Variants in DACH1 observed in about 807,000 individuals in gnomAD.
DACH1 encodes dachshund homolog 1.
DACH1 carries 12 observed loss-of-function variants against 54.2 expected under a neutral mutation model. The ratio of observed to expected loss-of-function variants is 0.22; its 90% confidence interval spans 0.14 to 0.36. The LOEUF is 0.36. Among genes scored for constraint, DACH1 ranks in the 10% least tolerant of loss-of-function variants. DACH1 has a pLI of 1.00. For synonymous variants in DACH1, 386 were observed against 366.2 expected, an observed-to-expected ratio of 1.05 and a Z score of -0.62; for missense variants, 805 against 929.8, an observed-to-expected ratio of 0.87 and a Z score of 1.75.
intron 2 of DACH1, among the ~76,000 whole-genome samples, chr13:71,670,931 A>G (rs998404629): frequency 3.3e-5 from 5 of 152,028 alleles, no homozygotes; most frequent in African/African-American, 9.7e-5. Context: ...TTTAAAAACC[A>G]TGTGCCTGAA....
intron 1 of DACH1, among the ~76,000 whole-genome samples, chr13:71,782,580 T>A (rs1886431177): frequency 6.6e-6 from 1 of 152,212 alleles, no homozygotes; most frequent in African/African-American, 2.4e-5. Flanking sequence ...TCAAATATTA[T>A]CTTGTGTTAA....
At chr13:71,595,773 A>G (rs1009243071) in intron 3 of DACH1, among the ~76,000 whole-genome samples, 1 of 151,920 alleles carries the variant, frequency 6.6e-6, no homozygotes, top group Non-Finnish European at 1.5e-5. Context: ...CTCTCTGCCC[A>G]CTCCTTAGGA....
intron 1 of DACH1, among the ~76,000 whole-genome samples, chr13:71,742,912 T>C (rs1172720856): frequency 6.6e-6 from 1 of 152,212 alleles, no homozygotes; most frequent in African/African-American, 2.4e-5. Flanking sequence ...GTGCTATTTC[T>C]CTGTAGAAAT....
intron 6 of DACH1, among the ~76,000 whole-genome samples, chr13:71,549,404 T>G (rs1327643310): frequency 6.6e-6 from 1 of 152,110 alleles, no homozygotes; most frequent in Non-Finnish European, 1.5e-5. Context: ...AGTGGAATAA[T>G]AGTTTTTTTA....
chr13:71,467,593 C>T (rs1004293587), intron 10 of DACH1, among the ~76,000 whole-genome samples: 2 of 151,554 alleles, frequency 1.3e-5, no homozygotes, highest in Non-Finnish European at 2.9e-5. Context: ...TTATGGGTAT[C>T]GCTAAAACTT....
chr13:71,607,686 T>A (rs1874975329), intron 3 of DACH1, among the ~76,000 whole-genome samples: 1 of 152,010 alleles, frequency 6.6e-6, no homozygotes, highest in Non-Finnish European at 1.5e-5. Context: ...ACTACTAAGT[T>A]ATGGTAAACT....
intron 1 of DACH1, among the ~76,000 whole-genome samples, chr13:71,748,896 T>TC (rs1566476848): frequency 1.1e-4 from 7 of 64,944 alleles, no homozygotes; most frequent in African/African-American, 5.0e-4. Flanking sequence ...CTTTCTTTCT[T>TC]TCTCTTTCTT....
At chr13:71,617,487 G>A (rs1273318046) in intron 3 of DACH1, among the ~76,000 whole-genome samples, 1 of 152,110 alleles carries the variant, frequency 6.6e-6, no homozygotes, top group Non-Finnish European at 1.5e-5. Flanking sequence ...GGAATAAGTA[G>A]ATGTTATACA....
chr13:71,606,459 T>G (rs1593974674), intron 3 of DACH1, among the ~76,000 whole-genome samples: 1 of 152,056 alleles, frequency 6.6e-6, no homozygotes, highest in East Asian at 1.9e-4. Flanking sequence ...AAAATAGAAG[T>G]ATTAAATGAT....
rs1247629951 is a variant in DACH1 at position 71,711,106 on chromosome 13, T to C, written c.849-29196A>G. Among the ~76,000 whole-genome samples the C allele has an allele frequency of 2.0e-5, 3 of 152,192 alleles. No homozygotes were observed. The East Asian group carries it at 5.8e-4, about 29-fold the overall frequency. On this transcript the variant is annotated intron_variant, in intron 1 of 10. Coordinates refer to ENST00000613252, the MANE Select transcript of DACH1 (RefSeq NM_080759.6). ...AGTTAAGCAATACACGTTTAGGTCA[T>C]ACACTAGGCTGGATCCTTGAAAAAT...
intron 1 of DACH1, among the ~76,000 whole-genome samples, chr13:71,795,167 G>T (rs1396377426): frequency 6.8e-6 from 1 of 147,136 alleles, no homozygotes; most frequent in Non-Finnish European, 1.5e-5. Flanking sequence ...GAAGAAAAAT[G>T]ATCAAAGCAT....
intron 7 of DACH1, among the ~76,000 whole-genome samples, chr13:71,486,847 T>C (rs1293700098): frequency 1.4e-5 from 2 of 143,096 alleles, no homozygotes; most frequent in Non-Finnish European, 3.1e-5. Flanking sequence ...TATCTATCTA[T>C]CTATCTATCT....
chr13:71,566,329 T>C (rs1361555660), intron 4 of DACH1, among the ~76,000 whole-genome samples: 1 of 152,140 alleles, frequency 6.6e-6, no homozygotes, highest in African/African-American at 2.4e-5. Context: ...TGCAAGCTTC[T>C]ATAATGAGCA....
intron 1 of DACH1, among the ~76,000 whole-genome samples, chr13:71,853,839 C>A (rs550359030): frequency 1.3e-5 from 2 of 152,080 alleles, no homozygotes; most frequent in Non-Finnish European, 2.9e-5. Flanking sequence ...ATTTTTCATG[C>A]GTTTTGTCTT....
intron 3 of DACH1, among the ~76,000 whole-genome samples, chr13:71,584,675 T>A (rs74096964): frequency 0.012 from 1,818 of 152,240 alleles, 26 homozygotes; most frequent in African/African-American, 0.04. Flanking sequence ...TCAAAAAAAA[T>A]ATTTTTTGAA....
chr13:71,770,211 C>T (rs893703894), intron 1 of DACH1, among the ~76,000 whole-genome samples: 12 of 151,620 alleles, frequency 7.9e-5, no homozygotes, highest in African/African-American at 2.9e-4. Flanking sequence ...AAATCCTTGC[C>T]TTCGTACGTT....
At chr13:71,588,717 T>TA (rs1419440135) in intron 3 of DACH1, among the ~76,000 whole-genome samples, 2 of 152,012 alleles carry the variant, frequency 1.3e-5, no homozygotes, top group Non-Finnish European at 2.9e-5. Flanking sequence ...GACCAATTCT[T>TA]ACAATAGAAA....
chr13:71,622,404 T>C (rs1355848614), intron 3 of DACH1, among the ~76,000 whole-genome samples: 1 of 151,910 alleles, frequency 6.6e-6, no homozygotes, highest in Non-Finnish European at 1.5e-5. Flanking sequence ...TTAGCAAACA[T>C]TATATTTTAT....
At chr13:71,495,571 C>A (rs565598017) in intron 6 of DACH1, among the ~76,000 whole-genome samples, 3 of 152,002 alleles carry the variant, frequency 2.0e-5, no homozygotes, top group Non-Finnish European at 2.9e-5. Flanking sequence ...TCAATTGTAA[C>A]CTCAGTACTG....
Sources: gnomAD v4.1 joint callset for allele counts (sites outside exome capture counted in the v4.1 genomes callset) on GRCh38, gnomAD v4.1.1 for gene constraint, MANE v1.5 for transcripts, NCBI Gene and HGNC (gene_info 2026-07-23, HGNC 2026-07-21) for gene names.